Variants in OPCML observed in about 807,000 individuals in gnomAD.
The protein encoded by OPCML is opioid binding protein/cell adhesion molecule like, also known as opioid-binding protein/cell adhesion molecule.
OPCML carries 13 observed loss-of-function variants against 37.8 expected under a neutral mutation model. That is an observed-to-expected ratio of 0.34 (90% CI 0.22 to 0.55). OPCML has a LOEUF of 0.55. OPCML is among the 20% of genes least tolerant of loss of function. The pLI is 0.91. For missense variants in OPCML, 341 were observed against 435.6 expected, an observed-to-expected ratio of 0.78 and a Z score of 1.93; for synonymous variants, 176 against 168.8, an observed-to-expected ratio of 1.04 and a Z score of -0.33.
intron 2 of OPCML, among the ~76,000 whole-genome samples, chr11:132,776,412 G>A (rs1946810657): frequency 6.6e-6 from 1 of 152,180 alleles, no homozygotes; most frequent in South Asian, 2.1e-4. Context: ...GTCTCACCTT[G>A]AAATGTGATT....
intron 3 of OPCML, among the ~76,000 whole-genome samples, chr11:132,547,041 G>A (rs78069933): frequency 0.025 from 3,854 of 152,254 alleles, 174 homozygotes; most frequent in African/African-American, 0.088. Context: ...AAACTTGGGT[G>A]CAAACATAAA....
intron 4 of OPCML, among the ~76,000 whole-genome samples, chr11:132,497,627 A>G: frequency 6.6e-6 from 1 of 152,114 alleles, no homozygotes; most frequent in East Asian, 1.9e-4. Context: ...AGAGGTAATA[A>G]CCAATACCAT....
chr11:133,129,345 T>C (rs1949568781), intron 1 of OPCML, among the ~76,000 whole-genome samples: 1 of 152,106 alleles, frequency 6.6e-6, no homozygotes, highest in African/African-American at 2.4e-5. Flanking sequence ...GAGTGCTTGC[T>C]CCTAGCCACC....
chr11:132,653,588 C>T (rs1941545606), intron 3 of OPCML, among the ~76,000 whole-genome samples: 1 of 152,210 alleles, frequency 6.6e-6, no homozygotes. Flanking sequence ...CCTCAGGTAT[C>T]AGTGACACGA....
intron 1 of OPCML, among the ~76,000 whole-genome samples, chr11:133,244,113 T>A (rs1010248477): frequency 6.6e-6 from 1 of 152,242 alleles, no homozygotes; most frequent in Non-Finnish European, 1.5e-5. Context: ...ATGGGGCAGG[T>A]GCAATAGCAC....
chr11:132,830,419 T>C (rs994598003), intron 2 of OPCML, among the ~76,000 whole-genome samples: 9 of 152,280 alleles, frequency 5.9e-5, no homozygotes, highest in Non-Finnish European at 8.8e-5. Context: ...GCAGAGCACG[T>C]GAAATACCAA....
chr11:132,763,580 TA>T (rs1946337899), intron 2 of OPCML, among the ~76,000 whole-genome samples: 1 of 152,316 alleles, frequency 6.6e-6, no homozygotes, highest in African/African-American at 2.4e-5. Flanking sequence ...GAGATACTAT[TA>T]GTGATGCATA....
chr11:133,394,130 C>A (rs138616817), intron 1 of OPCML, among the ~76,000 whole-genome samples: 6 of 152,326 alleles, frequency 3.9e-5, no homozygotes, highest in Non-Finnish European at 7.3e-5. Context: ...CCTGGTCCAC[C>A]CCACATCATG....
chr11:133,165,651 T>C (rs1277823789), intron 1 of OPCML, among the ~76,000 whole-genome samples: 3 of 152,248 alleles, frequency 2.0e-5, no homozygotes, highest in Non-Finnish European at 4.4e-5. Flanking sequence ...GTGGAGGCTG[T>C]GCCCTCAGCT....
chr11:133,078,837 C>T lies in OPCML; in HGVS notation c.62-135827G>A, dbSNP rs540067187. On this transcript the variant is annotated intron_variant, in intron 1 of 7. Transcript: ENST00000524381. ...GACGTAAACCCAGAAATCTCTCCACCGCCCCCAACTACCACCTTCATACAC... is the reference window on the plus strand; with the variant it reads ...GACGTAAACCCAGAAATCTCTCCACTGCCCCCAACTACCACCTTCATACAC... Among the ~76,000 whole-genome samples the T allele has an allele frequency of 2.5e-3, 379 of 152,302 alleles. 1 individual carries two copies. Among genetic ancestry groups the T allele is most frequent in the Non-Finnish European group, 3.5e-3 (239 of 68,026 alleles).
At chr11:133,470,158 C>T (rs1947071419) in intron 1 of OPCML, among the ~76,000 whole-genome samples, 2 of 152,094 alleles carry the variant, frequency 1.3e-5, no homozygotes, top group East Asian at 3.9e-4. Flanking sequence ...CTCTATGGAT[C>T]TGGACTGAAG....
intron 1 of OPCML, among the ~76,000 whole-genome samples, chr11:132,962,292 C>T (rs149752765): frequency 6.6e-6 from 1 of 152,334 alleles, no homozygotes; most frequent in East Asian, 1.9e-4. Context: ...GCCCAATTAT[C>T]TCAGCCAATC....
intron 1 of OPCML, among the ~76,000 whole-genome samples, chr11:133,165,861 A>G (rs534053532): frequency 1.3e-5 from 2 of 152,286 alleles, no homozygotes; most frequent in South Asian, 4.1e-4. Flanking sequence ...AATCCCACAC[A>G]AGAAGAATCT....
intron 1 of OPCML, among the ~76,000 whole-genome samples, chr11:133,474,982 G>T (rs906298333): frequency 6.6e-6 from 1 of 152,148 alleles, no homozygotes; most frequent in Non-Finnish European, 1.5e-5. Context: ...GCCAAGCAGT[G>T]CAGGCACCTA....
intron 1 of OPCML, chr11:133,418,098 G>C: frequency 1.0e-6 from 1 of 985,390 alleles, no homozygotes; most frequent in Non-Finnish European, 1.2e-6. Flanking sequence ...TCTGTGGTTC[G>C]GAGGACTGGT....
intron 1 of OPCML, among the ~76,000 whole-genome samples, chr11:133,035,635 C>T (rs1405953581): frequency 6.6e-6 from 1 of 151,704 alleles, no homozygotes; most frequent in Non-Finnish European, 1.5e-5. Flanking sequence ...CTGAATCGTG[C>T]CCCCCCAAAA....
At chr11:132,887,709 A>C (rs998384246) in intron 2 of OPCML, among the ~76,000 whole-genome samples, 14 of 152,224 alleles carry the variant, frequency 9.2e-5, no homozygotes, top group Non-Finnish European at 1.9e-4. Context: ...AATATGAGAG[A>C]AACAGGTAGG....
chr11:132,810,884 C>A (rs1939302164), intron 2 of OPCML: 1 of 152,146 alleles, frequency 6.6e-6, no homozygotes, highest in Non-Finnish European at 1.5e-5. Context: ...CAGGCCAGCT[C>A]CTTGACCTCA....
chr11:133,303,094 T>G (rs1439347302), intron 1 of OPCML, among the ~76,000 whole-genome samples: 1 of 152,168 alleles, frequency 6.6e-6, no homozygotes, highest in Non-Finnish European at 1.5e-5. Flanking sequence ...TATGAAATAT[T>G]TGCAAATAAA....
Sources: gnomAD v4.1 joint callset for allele counts (sites outside exome capture counted in the v4.1 genomes callset) on GRCh38, gnomAD v4.1.1 for gene constraint, MANE v1.5 for transcripts, NCBI Gene and HGNC (gene_info 2026-07-23, HGNC 2026-07-21) for gene names.